The following NEB variants were observed in gnomAD, a reference collection of about 807,000 sequenced individuals.
NEB encodes the protein nebulin, also known as nemaline myopathy type 2.
NEB carries 512 observed loss-of-function variants against 952.2 expected under a neutral mutation model. That is an observed-to-expected ratio of 0.54 (90% confidence interval 0.50 to 0.58). The LOEUF (loss-of-function observed/expected upper bound fraction) is 0.58. Ranked by LOEUF, NEB falls within the 20% of genes least tolerant of loss-of-function variation. NEB has a pLI of 0.00. For missense variants in NEB, 8,428 were observed against 9,231.1 expected, an observed-to-expected ratio of 0.91 and a Z score of 3.56; for synonymous variants, 2,900 against 3,149.8, an observed-to-expected ratio of 0.92 and a Z score of 2.66.
chr2:151,496,708 A>G (rs901913514), intron 172 of NEB, among the ~76,000 whole-genome samples: 7 of 152,120 alleles, frequency 4.6e-5, no homozygotes, highest in African/African-American at 1.7e-4. Context: ...CAAACGGAAA[A>G]ACTCATTTTT....
Position 151,531,042 on chromosome 2 carries a change from G to T in NEB, c.21582C>A (p.Asp7194Glu). The T allele has an allele frequency of 6.2e-7, 1 of 1,613,560 alleles. No homozygotes were observed. Among genetic ancestry groups the T allele is most frequent in the Admixed American group, 1.7e-5 (1 of 59,982 alleles). ...TGCGGACATGCAGCAACATGGGTGT[G>T]TCGTGGATTGTGGTGTAGCCTCTGG... is the stretch of plus-strand genomic sequence containing the variant. ...AKPRGYTTIH[D>E]TPMLLHVRKV... The change falls in exon 145 of 182, where the codon GAC becomes GAA. Residue 7194 changes from aspartate to glutamate, a missense_variant. Transcript: ENST00000397345.
chr2:151,655,246 A>C (rs1399103591), intron 51 of NEB, 24 bp downstream of exon 51: 3 of 1,334,194 alleles, frequency 2.2e-6, no homozygotes, highest in Non-Finnish European at 3.1e-6. Context: ...ACAAAACTTA[A>C]AATTAATTTT....
intron 157 of NEB, among the ~76,000 whole-genome samples, chr2:151,516,054 T>C (rs1391538404): frequency 1.3e-5 from 2 of 152,234 alleles, no homozygotes; most frequent in Admixed American, 1.3e-4. Context: ...GGGGTCTTGA[T>C]AAACATCTTG....
At chr2:151,491,804 G>A (rs376045753) in intron 178 of NEB, 29 bp from the exon 179 acceptor site, 8 of 1,521,858 alleles carry the variant, frequency 5.3e-6, no homozygotes, top group African/African-American at 4.1e-5. Flanking sequence ...ATCAGAACAA[G>A]TGTTCTTGGA....
chr2:151,497,922 A>T (rs1442645288), intron 170 of NEB: 5 of 1,465,848 alleles, frequency 3.4e-6, no homozygotes, highest in South Asian at 2.9e-5. Context: ...GCTGCTGAGG[A>T]AGGGCTGTCA....
chr2:151,568,767 G>A, intron 110 of NEB, 51 bp from the exon 111 acceptor site: 2 of 1,275,406 alleles, frequency 1.6e-6, no homozygotes, highest in East Asian at 2.5e-5. Flanking sequence ...AGACATGTGT[G>A]AACTGAGAAG....
rs370838616 is a variant in NEB, at chr2:151,615,979, G to T, written c.11289+23C>A. 6.5e-6 allele frequency: 10 copies of T among 1,541,120 alleles called. No homozygotes were observed. The Middle Eastern group carries it at 5.0e-4, about 77-fold the overall frequency. On this transcript the variant is annotated intron_variant, in intron 76 of 181. Coordinates refer to ENST00000397345, the MANE Select transcript of NEB (RefSeq NM_001164508.2). ...TGTCAACATCTTTGAATAAGAAATG[G>T]CTTTTCCAAAACATCCACTTACATC...
chr2:151,637,187 T>C (rs955800283), intron 63 of NEB, among the ~76,000 whole-genome samples: 3 of 152,146 alleles, frequency 2.0e-5, no homozygotes, highest in African/African-American at 7.2e-5. Context: ...ACCACACTAA[T>C]AATGAAGAGC....
chr2:151,502,980 C>CA, intron 166 of NEB, 95 bp from the exon 167 acceptor site: 2 of 717,184 alleles, frequency 2.8e-6, no homozygotes, highest in South Asian at 3.5e-5. Context: ...TGTGAGGAGG[C>CA]AGTTTTTTAG....
chr2:151,664,171 T>C (rs2099180145), intron 44 of NEB, among the ~76,000 whole-genome samples: 1 of 152,230 alleles, frequency 6.6e-6, no homozygotes, highest in South Asian at 2.1e-4. Flanking sequence ...CAGGCAGGAT[T>C]TCTCATGGTG....
rs565162006 is a variant in NEB, at chr2:151,567,462, T to C, written c.17862A>G (p.Glu5954=). Residue 5954 remains glutamate (E), a synonymous_variant, in exon 114 of 182, where the codon GAA becomes GAG. Transcript: ENST00000397345. The part of the protein sequence containing the change: ...DVQSELKYKA[E]HVKQKGHYVG... The stretch of plus-strand genomic sequence containing the variant: ...CATAATGACCTTTTTGCTTCACATG[T>C]TCAGCTTTGTATTTCAGCTGGCGAG... 137 of 1,610,974 alleles carry C rather than the reference T, an allele frequency of 8.5e-5. No individual in the cohort carries two copies. The South Asian group carries it at 1.5e-3, about 17-fold the overall frequency.
rs10173335 is a variant in NEB at position 151,656,478 on chromosome 2, A to T, written c.6184-14T>A. 94,483 of 1,568,950 alleles carry T rather than the reference A, an allele frequency of 0.06. 4,255 individuals are homozygous for T. Among genetic ancestry groups the T allele is most frequent in the African/African-American group, 0.23 (17,171 of 73,926 alleles). On this transcript the variant is annotated splice_polypyrimidine_tract_variant and intron_variant, in intron 48 of 181. Coordinates refer to ENST00000397345, the MANE Select transcript of NEB (RefSeq NM_001164508.2). Reference sequence around the variant, plus strand: ...CTTGTATTTATACTGTGAAGAAAATATGAGTTTTTACACAGAGCAATTCCT... The same window carrying T: ...CTTGTATTTATACTGTGAAGAAAATTTGAGTTTTTACACAGAGCAATTCCT...
Position 151,667,989 on chromosome 2 carries a change from T to C in NEB, c.4612-78A>G, listed in dbSNP as rs2099241362. ...AAACAGAATGCCAAAATGTTTCTTA[T>C]AAAACATGTCGTAATAGATCCCTTT... is the stretch of plus-strand genomic sequence containing the variant. On this transcript the variant is annotated intron_variant, in intron 39 of 181. Transcript: ENST00000397345. 8 of 1,137,302 alleles carry C rather than the reference T, an allele frequency of 7.0e-6. No individual in the cohort carries two copies. In the Admixed American group the frequency reaches 1.4e-4, roughly 20 times the overall value. The allele number at this position is 1,137,302 out of a possible 1,614,324, so 70.5% of individuals were successfully genotyped here.
At chr2:151,645,632 C>A (rs1014156287) in intron 55 of NEB, among the ~76,000 whole-genome samples, 1 of 152,122 alleles carries the variant, frequency 6.6e-6, no homozygotes, top group African/African-American at 2.4e-5. Context: ...TAAAGTCATT[C>A]TATTAGAATT....
At chr2:151,570,797 T>C (rs918234757) in intron 107 of NEB, among the ~76,000 whole-genome samples, 196 bp from the exon 108 acceptor site, 19 of 152,202 alleles carry the variant, frequency 1.2e-4, no homozygotes, top group Non-Finnish European at 2.4e-4. Context: ...TCCAAAGGTC[T>C]GGGCTTGACA....
At chr2:151,569,123 C>T in intron 110 of NEB, 145 bp downstream of exon 110, 5 of 688,908 alleles carry the variant, frequency 7.3e-6, no homozygotes, top group Non-Finnish European at 1.0e-5. Flanking sequence ...AGCGACAGTA[C>T]ATTTTGAAAA....
At chr2:151,733,074 C>T (rs765048704) in intron 3 of NEB, 47 bp downstream of exon 3, 1 of 1,533,048 alleles carries the variant, frequency 6.5e-7, no homozygotes, top group South Asian at 1.2e-5. Context: ...CTTTGATTGT[C>T]ACTACATAAA....
chr2:151,705,668 A>T (rs766957705), intron 13 of NEB, among the ~76,000 whole-genome samples: 3 of 152,202 alleles, frequency 2.0e-5, no homozygotes, highest in Non-Finnish European at 4.4e-5. Flanking sequence ...TGTGGAACCA[A>T]CCTGAGGGCC....
At chr2:151,507,409 T>G (rs983802756) in intron 162 of NEB, among the ~76,000 whole-genome samples, 2 of 152,328 alleles carry the variant, frequency 1.3e-5, no homozygotes, top group East Asian at 1.9e-4. Context: ...TTTTCTGGCC[T>G]TCTCTGTTTT....
Sources: gnomAD v4.1 joint callset for allele counts (sites outside exome capture counted in the v4.1 genomes callset) on GRCh38, gnomAD v4.1.1 for gene constraint, MANE v1.5 for transcripts, NCBI Gene and HGNC (gene_info 2026-07-23, HGNC 2026-07-21) for gene names.